SLC41A2: variants seen among roughly 807,000 people sequenced by gnomAD.
The protein encoded by SLC41A2 is SLC41A1-like 1.
Under a neutral mutation model 58.3 loss-of-function variants are expected in SLC41A2, and 32 were observed. The observed-to-expected ratio is 0.55, with a 90% CI of 0.41 to 0.74. The LOEUF is 0.74. SLC41A2 is among the 30% of genes least tolerant of loss of function. The pLI, the probability that SLC41A2 is intolerant of heterozygous loss-of-function variation, is 0.00. For synonymous variants in SLC41A2, 190 were observed against 235.0 expected (o/e 0.81, Z 1.75); for missense variants, 514 against 680.6 (o/e 0.76, Z 2.72).
chr12:104,957,100 C>T (rs1274743529), intron 1 of SLC41A2, among the ~76,000 whole-genome samples: 1 of 152,134 alleles, frequency 6.6e-6, no homozygotes, highest in East Asian at 1.9e-4. Flanking sequence ...TGCATAGCAG[C>T]ATTACACACA....
At position 104,946,371 on chromosome 12, in the gene SLC41A2, C is replaced by T. The variant is rs59254285; in HGVS notation, c.-168+11717G>A. Among the ~76,000 whole-genome samples the T allele has an allele frequency of 3.4e-3, 524 of 152,266 alleles. 7 individuals carry two copies. Among genetic ancestry groups the T allele is most frequent in the African/African-American group, 0.012 (489 of 41,560 alleles). On this transcript the variant is annotated intron_variant, in intron 1 of 10. Transcript: ENST00000258538. ...CACTTTTTCCTTGAACTCCTGGGCTCAAGCAATCTTCCCACCTCAGCCTCC... is the reference window on the plus strand; with the variant it reads ...CACTTTTTCCTTGAACTCCTGGGCTTAAGCAATCTTCCCACCTCAGCCTCC...
chr12:104,890,946 C>T (rs562409760), intron 4 of SLC41A2, among the ~76,000 whole-genome samples: 11 of 152,278 alleles, frequency 7.2e-5, no homozygotes, highest in Admixed American at 5.2e-4. Context: ...TCTCTTTCTA[C>T]CCTCCATGGC....
chr12:104,830,696 C>CA (rs2136278721), intron 10 of SLC41A2, among the ~76,000 whole-genome samples: 1 of 152,114 alleles, frequency 6.6e-6, no homozygotes, highest in African/African-American at 2.4e-5. Context: ...TAGCAGTTAA[C>CA]AAACACTTAA....
At chr12:104,853,911 A>ATTATTATTTTTATTT in intron 8 of SLC41A2, among the ~76,000 whole-genome samples, 1 of 59,492 alleles carries the variant, frequency 1.7e-5, no homozygotes, top group Non-Finnish European at 3.2e-5. Context: ...TGCCTGGCTG[A>ATTATTATTTTTATTT]TTTTTTTTTT....
At chr12:104,857,629 A>G (rs61938782) in intron 8 of SLC41A2, among the ~76,000 whole-genome samples, 4 of 152,098 alleles carry the variant, frequency 2.6e-5, no homozygotes, top group African/African-American at 4.8e-5. Context: ...TGATAGACTG[A>G]ATTAAGAAAA....
At chr12:104,895,160 T>C in intron 4 of SLC41A2, 114 bp downstream of exon 4, 1 of 643,794 alleles carries the variant, frequency 1.6e-6, no homozygotes, top group Non-Finnish European at 2.7e-6. Flanking sequence ...TGTTTTGGTG[T>C]TTCTGAAAAC....
At chr12:104,905,874 C>G (rs1293173158) in intron 3 of SLC41A2, among the ~76,000 whole-genome samples, 1 of 152,248 alleles carries the variant, frequency 6.6e-6, no homozygotes, top group Admixed American at 6.5e-5. Context: ...CACACAGCCC[C>G]GGTTCCCGCT....
chr12:104,854,245 A>C (rs1019240618), intron 8 of SLC41A2, among the ~76,000 whole-genome samples: 20 of 152,028 alleles, frequency 1.3e-4, no homozygotes, highest in African/African-American at 4.6e-4. Flanking sequence ...CTCCTTCAAA[A>C]GGTGATGATG....
At chr12:104,888,378 A>T (rs1053776060) in intron 5 of SLC41A2, among the ~76,000 whole-genome samples, 10 of 152,108 alleles carry the variant, frequency 6.6e-5, no homozygotes, top group Admixed American at 2.0e-4. Context: ...AGGGCAAGAA[A>T]ATGGCAATTA....
chr12:104,936,560 G>T (rs1017416219), intron 1 of SLC41A2, among the ~76,000 whole-genome samples: 1 of 152,158 alleles, frequency 6.6e-6, no homozygotes, highest in South Asian at 2.1e-4. Context: ...GTAGATGGTG[G>T]CAAGCAAAGA....
Position 104,886,334 on chromosome 12 carries a change from G to A in SLC41A2, c.986C>T (p.Ala329Val), listed in dbSNP as rs560851365. The A allele has an allele frequency of 1.2e-6, 2 of 1,613,566 alleles. No homozygotes were observed. The highest frequency in any genetic ancestry group is 2.2e-5 in the East Asian group (1 of 44,852). ...AASFGDLITL[A>V]ILAWISQGLY... ...GCCCTGACTTATCCAAGCCAATATGGCAAGAGTTATAAGGTCGCCAAAACT... is the reference window on the plus strand; with the variant it reads ...GCCCTGACTTATCCAAGCCAATATGACAAGAGTTATAAGGTCGCCAAAACT... Residue 329 changes from alanine (A) to valine (V), a missense_variant, in exon 6 of 11, where the codon GCC becomes GTC. By Grantham distance (64) the Ala-to-Val change is moderately conservative (BLOSUM62 0). Coordinates refer to ENST00000258538, the MANE Select transcript of SLC41A2 (RefSeq NM_001352171.3).
chr12:104,952,309 T>C (rs1318159999), intron 1 of SLC41A2, among the ~76,000 whole-genome samples: 4 of 152,192 alleles, frequency 2.6e-5, no homozygotes, highest in Non-Finnish European at 4.4e-5. Context: ...AGGACAGAAG[T>C]GAAATCTGTT....
intron 3 of SLC41A2, among the ~76,000 whole-genome samples, chr12:104,904,697 C>T (rs1417280205): frequency 6.6e-6 from 1 of 151,648 alleles, no homozygotes; most frequent in Non-Finnish European, 1.5e-5. Context: ...CTCGCTGGCT[C>T]AGGAGTGAAG....
chr12:104,920,654 G>A (rs1283698781), intron 2 of SLC41A2, among the ~76,000 whole-genome samples: 2 of 152,024 alleles, frequency 1.3e-5, no homozygotes, highest in Non-Finnish European at 2.9e-5. Flanking sequence ...GCTGGGCGTG[G>A]TGGCTCACAC....
chr12:104,822,096 A>G (rs1428560460), intron 10 of SLC41A2, among the ~76,000 whole-genome samples: 1 of 152,212 alleles, frequency 6.6e-6, no homozygotes, highest in Admixed American at 6.5e-5. Context: ...GAAATATTCA[A>G]ACTAAAGTTG....
At chr12:104,830,235 G>A (rs1273871854) in intron 10 of SLC41A2, among the ~76,000 whole-genome samples, 4 of 152,194 alleles carry the variant, frequency 2.6e-5, no homozygotes, top group African/African-American at 9.6e-5. Context: ...CATGGAGATT[G>A]ATTTCAGGAC....
intron 2 of SLC41A2, among the ~76,000 whole-genome samples, chr12:104,910,845 T>A (rs2046053651): frequency 6.6e-6 from 1 of 152,222 alleles, no homozygotes; most frequent in Non-Finnish European, 1.5e-5. Flanking sequence ...TGCAAAGCTG[T>A]CTCTTGTGGA....
intron 2 of SLC41A2, among the ~76,000 whole-genome samples, chr12:104,913,453 T>C (rs910089847): frequency 2.0e-5 from 3 of 152,188 alleles, no homozygotes; most frequent in Non-Finnish European, 2.9e-5. Context: ...CTGACCAGGA[T>C]TCCTTCCTGG....
At chr12:104,866,031 A>G (rs1211515770) in intron 7 of SLC41A2, among the ~76,000 whole-genome samples, 1 of 152,154 alleles carries the variant, frequency 6.6e-6, no homozygotes, top group Non-Finnish European at 1.5e-5. Context: ...CCAATGGAAT[A>G]TACATTTCTA....
Sources: allele counts gnomAD v4.1 joint callset (sites outside exome capture counted in the v4.1 genomes callset), GRCh38; gene constraint gnomAD v4.1.1; transcripts MANE v1.5; gene names NCBI Gene and HGNC (gene_info 2026-07-23, HGNC 2026-07-21).